Variants in ZBTB38 observed in about 807,000 individuals in gnomAD.
ZBTB38 encodes zinc finger and BTB domain containing 38, also known as zinc finger and BTB domain-containing protein 38.
In ZBTB38, 20 loss-of-function variants were observed where a neutral mutation model predicts 76.8. That is an observed-to-expected ratio of 0.26 (90% CI 0.18 to 0.38). The LOEUF (loss-of-function observed/expected upper bound fraction) is 0.38. Ranked by LOEUF, ZBTB38 falls within the 10% of genes least tolerant of loss-of-function variation. The pLI is 1.00. For synonymous variants in ZBTB38, 504 were observed against 544.2 expected (o/e 0.93, Z 1.03); for missense variants, 1,082 against 1,482.3 (o/e 0.73, Z 4.43).
At chr3:141,369,731 A>G (rs1944267940) in intron 1 of ZBTB38, 141 bp from the exon 2 acceptor site, 1 of 152,232 alleles carries the variant, frequency 6.6e-6, no homozygotes, top group South Asian at 2.1e-4. Context: ...TAAAGGCAGT[A>G]AGGAAGCTTG....
chr3:141,340,929 A>AAAG (rs1307225208), intron 1 of ZBTB38, among the ~76,000 whole-genome samples: 3 of 89,446 alleles, frequency 3.4e-5, no homozygotes, highest in Non-Finnish European at 6.1e-5. Context: ...GGAAAGGAAA[A>AAAG]AAGAAAAGAA....
intron 1 of ZBTB38, among the ~76,000 whole-genome samples, chr3:141,334,473 CTTCT>C (rs952218133): frequency 2.1e-5 from 3 of 139,934 alleles, no homozygotes; most frequent in Non-Finnish European, 4.6e-5. Context: ...TCCTTCCTTC[CTTCT>C]TTCCTTTCTT....
At chr3:141,351,286 T>C (rs920471246) in intron 1 of ZBTB38, among the ~76,000 whole-genome samples, 3 of 151,326 alleles carry the variant, frequency 2.0e-5, no homozygotes, top group African/African-American at 4.9e-5. Context: ...ATGCTCCTAA[T>C]ATACAATTCA....
intron 1 of ZBTB38, among the ~76,000 whole-genome samples, chr3:141,357,984 A>G (rs1943716346): frequency 1.3e-5 from 2 of 152,192 alleles, no homozygotes; most frequent in Admixed American, 6.5e-5. Flanking sequence ...ATGTTTCCCA[A>G]TAAAGATCAT....
intron 5 of ZBTB38, among the ~76,000 whole-genome samples, chr3:141,431,341 A>AAATATATATATATATATAT: frequency 5.8e-5 from 6 of 103,290 alleles, no homozygotes; most frequent in Non-Finnish European, 1.0e-4. Flanking sequence ...AAAAAAAAAA[A>AAATATATATATATATATAT]ATATATATAT....
chr3:141,379,762 C>T (rs1945932087), intron 2 of ZBTB38, among the ~76,000 whole-genome samples: 1 of 152,232 alleles, frequency 6.6e-6, no homozygotes, highest in African/African-American at 2.4e-5. Flanking sequence ...AAGGCTACTT[C>T]AGCAGGCTAA....
chr3:141,402,732 G>C (rs1952686329), intron 4 of ZBTB38: 2 of 152,122 alleles, frequency 1.3e-5, no homozygotes, highest in African/African-American at 4.8e-5. Flanking sequence ...GGCAGGTTGC[G>C]CCGCATCCCG....
intron 4 of ZBTB38, chr3:141,388,407 G>GAGTT (rs1344932960): frequency 6.6e-6 from 1 of 152,042 alleles, no homozygotes; most frequent in African/African-American, 2.4e-5. Flanking sequence ...GGGGGATGAG[G>GAGTT]AGTTACAATT....
chr3:141,425,181 G>A (rs952341260), intron 5 of ZBTB38, among the ~76,000 whole-genome samples: 2 of 152,154 alleles, frequency 1.3e-5, no homozygotes, highest in African/African-American at 2.4e-5. Context: ...AGTATCTATC[G>A]TAGAGCCCTG....
chr3:141,327,665 A>T (rs7616781), intron 1 of ZBTB38, among the ~76,000 whole-genome samples: 39,636 of 152,012 alleles, frequency 0.26, 5,582 homozygotes, highest in Non-Finnish European at 0.3. Context: ...AGGAAACTGA[A>T]TAAAGCTTGG....
At chr3:141,348,221 A>G (rs1260151621) in intron 1 of ZBTB38, among the ~76,000 whole-genome samples, 2 of 152,226 alleles carry the variant, frequency 1.3e-5, no homozygotes, top group Admixed American at 6.5e-5. Context: ...ATATATGGTC[A>G]TATGGTAAAT....
At chr3:141,354,910 A>T (rs552088065) in intron 1 of ZBTB38, among the ~76,000 whole-genome samples, 1 of 152,098 alleles carries the variant, frequency 6.6e-6, no homozygotes, top group Non-Finnish European at 1.5e-5. Flanking sequence ...GCCTAATTCC[A>T]GGCCTCTTTC....
At chr3:141,328,945 C>T (rs1163893204) in intron 1 of ZBTB38, among the ~76,000 whole-genome samples, 1 of 152,214 alleles carries the variant, frequency 6.6e-6, no homozygotes, top group East Asian at 1.9e-4. Flanking sequence ...TCCCTGAGCC[C>T]TCCAGGCCTC....
intron 5 of ZBTB38, chr3:141,426,099 G>T (rs2076326700): frequency 1.6e-6 from 2 of 1,274,094 alleles, no homozygotes; most frequent in Non-Finnish European, 2.1e-6. Context: ...TGGAGTATGG[G>T]CATGTCACTT....
At chr3:141,414,501 G>A (rs2073485693) in intron 5 of ZBTB38, among the ~76,000 whole-genome samples, 13 of 152,212 alleles carry the variant, frequency 8.5e-5, no homozygotes, top group Admixed American at 8.5e-4. Context: ...ATTTCATACA[G>A]GCAAAGTAAT....
At chr3:141,422,932 C>T (rs1198301308) in intron 5 of ZBTB38, among the ~76,000 whole-genome samples, 4 of 151,836 alleles carry the variant, frequency 2.6e-5, no homozygotes, top group Non-Finnish European at 5.9e-5. Context: ...TTTCACTGTA[C>T]CAAAAATATT....
intron 5 of ZBTB38, among the ~76,000 whole-genome samples, chr3:141,414,378 G>T (rs993091050): frequency 2.6e-5 from 4 of 152,220 alleles, no homozygotes; most frequent in African/African-American, 9.6e-5. Flanking sequence ...GTCTTCTCCT[G>T]CAGAGCGTTG....
rs533266000 is a variant in ZBTB38 at position 141,327,341 on chromosome 3, C to T, written c.-739+2885C>T. On this transcript the variant is annotated intron_variant, in intron 1 of 7. Transcript: ENST00000509842. ...ACTATCTTAGCCAGGCGATCAAGGT[C>T]AATATCAACAGTGATGATGTTGATG... 2.0e-3 allele frequency among the ~76,000 whole-genome samples: 305 copies of T among 152,276 alleles called. 1 individual carries two copies. Among genetic ancestry groups the T allele is most frequent in the Non-Finnish European group, 2.8e-3 (190 of 68,030 alleles).
chr3:141,437,531 G>A (rs1038527869), intron 5 of ZBTB38, among the ~76,000 whole-genome samples: 3 of 152,246 alleles, frequency 2.0e-5, no homozygotes, highest in Admixed American at 6.5e-5. Flanking sequence ...CCCTTAGAAC[G>A]GTTCTGGCTG....
Sources: allele counts gnomAD v4.1 joint callset (sites outside exome capture counted in the v4.1 genomes callset), GRCh38; gene constraint gnomAD v4.1.1; transcripts MANE v1.5; gene names NCBI Gene and HGNC (gene_info 2026-07-23, HGNC 2026-07-21).